The following SDK1 variants were observed in gnomAD, a reference collection of about 807,000 sequenced individuals.
SDK1 encodes protein sidekick-1.
Under a neutral mutation model 245.5 loss-of-function variants are expected in SDK1, and 157 were observed. The ratio of observed to expected loss-of-function variants is 0.64; its 90% CI spans 0.56 to 0.73. The LOEUF is 0.73. SDK1 is among the 30% of genes least tolerant of loss of function. The probability of loss-of-function intolerance (pLI) is 0.00; values close to 1 mark genes in which losing one functional copy is unlikely to be tolerated. For missense variants in SDK1, 3,583 were observed against 3,002.3 expected, an observed-to-expected ratio of 1.19 and a Z score of -4.52; for synonymous variants, 1,647 against 1,278.5, an observed-to-expected ratio of 1.29 and a Z score of -6.15.
intron 1 of SDK1, among the ~76,000 whole-genome samples, chr7:3,565,395 A>G (rs1250070346): frequency 6.6e-6 from 1 of 152,218 alleles, no homozygotes; most frequent in African/African-American, 2.4e-5. Flanking sequence ...ACAAATGCTC[A>G]TTACCTCTGC....
Position 3,903,398 on chromosome 7 carries a change from G to A in SDK1, c.848-47525G>A, listed in dbSNP as rs147507837. Among the ~76,000 whole-genome samples the A allele has an allele frequency of 7.5e-3, 1,140 of 152,082 alleles. 15 individuals are homozygous for A. Among genetic ancestry groups the A allele is most frequent in the African/African-American group, 0.026 (1,068 of 41,492 alleles). ...GCTGACCTTGTGATCCGCCCACCTC[G>A]GCCTCCCAAAGTGCTTGGATTACAG... is the stretch of plus-strand genomic sequence containing the variant. On this transcript the variant is annotated intron_variant, in intron 5 of 44. Coordinates refer to ENST00000404826, the MANE Select transcript of SDK1 (RefSeq NM_152744.4).
chr7:3,506,172 C>G (rs2128609874), intron 1 of SDK1, among the ~76,000 whole-genome samples: 1 of 152,042 alleles, frequency 6.6e-6, no homozygotes, highest in African/African-American at 2.4e-5. Context: ...CATCTTCTGA[C>G]AACTAGTTCT....
intron 1 of SDK1, among the ~76,000 whole-genome samples, chr7:3,478,063 T>G (rs922918827): frequency 3.9e-5 from 6 of 152,212 alleles, no homozygotes; most frequent in Admixed American, 2.0e-4. Context: ...TGGTGAATTT[T>G]CTGTTTTGTT....
chr7:3,308,120 T>G (rs1779462894), intron 1 of SDK1, among the ~76,000 whole-genome samples: 2 of 152,212 alleles, frequency 1.3e-5, no homozygotes, highest in East Asian at 1.9e-4. Context: ...TTTTAGGTTC[T>G]GTAAAACAAA....
intron 1 of SDK1, among the ~76,000 whole-genome samples, chr7:3,577,368 GGCCTGAGC>G (rs1283621027): frequency 6.6e-6 from 1 of 152,034 alleles, no homozygotes; most frequent in Non-Finnish European, 1.5e-5. Context: ...AAGGTTTTAC[GGCCTGAGC>G]GTCATAGCAT....
At chr7:3,543,307 C>G (rs1169330814) in intron 1 of SDK1, among the ~76,000 whole-genome samples, 1 of 152,210 alleles carries the variant, frequency 6.6e-6, no homozygotes, top group Non-Finnish European at 1.5e-5. Flanking sequence ...TGTTATACTC[C>G]TTGCTTAATT....
intron 1 of SDK1, among the ~76,000 whole-genome samples, chr7:3,418,546 A>G (rs182507713): frequency 2.2e-4 from 34 of 152,318 alleles, no homozygotes; most frequent in Non-Finnish European, 3.4e-4. Flanking sequence ...GTATTCTTTA[A>G]TCTCTCTGCT....
chr7:3,899,418 A>G (rs1157865760), intron 5 of SDK1, among the ~76,000 whole-genome samples: 1 of 152,210 alleles, frequency 6.6e-6, no homozygotes, highest in Non-Finnish European at 1.5e-5. Context: ...ACCACGTGAG[A>G]TGCAACTTAC....
intron 1 of SDK1, among the ~76,000 whole-genome samples, chr7:3,587,493 T>A (rs983846587): frequency 6.6e-6 from 1 of 152,102 alleles, no homozygotes; most frequent in Non-Finnish European, 1.5e-5. Flanking sequence ...TCTAAAGGCC[T>A]AAGAACCAGG....
intron 4 of SDK1, among the ~76,000 whole-genome samples, chr7:3,744,369 A>T (rs538773301): frequency 6.6e-6 from 1 of 152,216 alleles, no homozygotes; most frequent in African/African-American, 2.4e-5. Context: ...TGTCTATTCT[A>T]TTATAATATA....
chr7:3,595,561 A>G (rs1583207929), intron 1 of SDK1, among the ~76,000 whole-genome samples: 1 of 152,218 alleles, frequency 6.6e-6, no homozygotes, highest in East Asian at 1.9e-4. Context: ...TGCAGTTATA[A>G]TTCTATTCAT....
At chr7:4,039,229 C>G (rs941638522) in intron 17 of SDK1, among the ~76,000 whole-genome samples, 5 of 151,786 alleles carry the variant, frequency 3.3e-5, no homozygotes, top group Non-Finnish European at 5.9e-5. Context: ...GTTCAGCACA[C>G]CAACATGGCA....
chr7:3,504,970 G>C (rs1204217442), intron 1 of SDK1, among the ~76,000 whole-genome samples: 1 of 152,162 alleles, frequency 6.6e-6, no homozygotes, highest in Non-Finnish European at 1.5e-5. Flanking sequence ...ATGTAATGGA[G>C]ATAGGCAGTC....
chr7:3,958,390 T>C (rs1455438232), intron 7 of SDK1: 1 of 211,668 alleles, frequency 4.7e-6, no homozygotes, highest in East Asian at 1.6e-4. Flanking sequence ...AGGAGTTTCC[T>C]TTGCTACTAA....
intron 30 of SDK1, among the ~76,000 whole-genome samples, chr7:4,149,667 G>T (rs1314925076): frequency 6.6e-6 from 1 of 152,164 alleles, no homozygotes. Context: ...ACCCCCAGCC[G>T]CTTCCCGGAG....
At chr7:3,908,721 T>C (rs139971291) in intron 5 of SDK1, among the ~76,000 whole-genome samples, 84 of 152,310 alleles carry the variant, frequency 5.5e-4, no homozygotes, top group Non-Finnish European at 1.1e-3. Context: ...ATCATCTTCT[T>C]TTGTAAGAGA....
intron 5 of SDK1, among the ~76,000 whole-genome samples, chr7:3,838,017 C>A (rs1183737009): frequency 1.3e-5 from 2 of 152,184 alleles, no homozygotes; most frequent in Admixed American, 1.3e-4. Context: ...GAGCAGGATA[C>A]CTCCCTGTAT....
rs570232814 is a variant in SDK1, at chr7:4,200,312, G to C, written c.5099-5567G>C. On this transcript the variant is annotated intron_variant, in intron 35 of 44. Transcript: ENST00000404826. ...CTTCAAAATGTGCAGAGGCTTGGCT[G>C]AGGCCGGCACCTTCCTAGAGGAGCT... 2.0e-5 allele frequency among the ~76,000 whole-genome samples: 3 copies of C among 152,368 alleles called. No individual in the cohort carries two copies. The East Asian group carries it at 5.8e-4, about 29-fold the overall frequency.
At chr7:4,094,160 G>A (rs1443051434) in intron 22 of SDK1, among the ~76,000 whole-genome samples, 4 of 152,064 alleles carry the variant, frequency 2.6e-5, no homozygotes, top group East Asian at 1.9e-4. Context: ...AGGTTCAAGC[G>A]ATTCTCCTGC....
Sources: gnomAD v4.1 joint callset for allele counts (sites outside exome capture counted in the v4.1 genomes callset) on GRCh38, gnomAD v4.1.1 for gene constraint, MANE v1.5 for transcripts, NCBI Gene and HGNC (gene_info 2026-07-23, HGNC 2026-07-21) for gene names.